Variants in PBX1 observed in about 807,000 individuals in gnomAD.
The protein encoded by PBX1 is PBX homeobox 1.
In PBX1, 6 loss-of-function variants were observed where a neutral mutation model predicts 53.4. The observed-to-expected ratio is 0.11, with a 90% CI of 0.06 to 0.22. The LOEUF (loss-of-function observed/expected upper bound fraction) is 0.22, where lower values mean the gene tolerates loss of function less well. PBX1 is among the 10% of genes least tolerant of loss of function. The pLI, the probability that PBX1 is intolerant of heterozygous loss-of-function variation, is 1.00. For synonymous variants in PBX1, 204 were observed against 212.3 expected (o/e 0.96, Z 0.34); for missense variants, 251 against 551.4 (o/e 0.46, Z 5.46).
At position 164,583,283 on chromosome 1, in the gene PBX1, G is replaced by A. The variant is rs563641673; in HGVS notation, c.265+19972G>A. Among the ~76,000 whole-genome samples the A allele has an allele frequency of 9.3e-3, 1,347 of 144,084 alleles. 19 individuals are homozygous for A. The highest frequency in any genetic ancestry group is 0.011 in the Middle Eastern group (3 of 282). The allele number at this position is 144,084 out of a possible 152,430, so 94.5% of individuals were successfully genotyped here. The stretch of plus-strand genomic sequence containing the variant: ...TGGATCTTTAAGCCAAGAGAGGCGG[G>A]AAAAAAAAAAAAAGAATAATAGGGC... On this transcript the variant is annotated intron_variant, in intron 2 of 8. Transcript: ENST00000420696.
chr1:164,628,084 A>G (rs1172179239), intron 2 of PBX1, among the ~76,000 whole-genome samples: 7 of 152,220 alleles, frequency 4.6e-5, no homozygotes, highest in African/African-American at 1.7e-4. Context: ...CCTTGGGTTT[A>G]TGAGTACCTG....
intron 2 of PBX1, among the ~76,000 whole-genome samples, chr1:164,787,316 C>T (rs1480316895): frequency 6.6e-6 from 1 of 152,150 alleles, no homozygotes. Context: ...CAGCTTTGGG[C>T]CCCTGGACTG....
At chr1:164,635,855 C>G (rs1233617387) in intron 2 of PBX1, among the ~76,000 whole-genome samples, 3 of 152,314 alleles carry the variant, frequency 2.0e-5, no homozygotes, top group East Asian at 3.9e-4. Flanking sequence ...CAAATAGATT[C>G]CCTTCTCTCT....
At chr1:164,870,735 C>G (rs1045749523) in intron 2 of PBX1, among the ~76,000 whole-genome samples, 4 of 152,152 alleles carry the variant, frequency 2.6e-5, no homozygotes, top group African/African-American at 9.7e-5. Context: ...GTTATTCTAG[C>G]CAAACAAATC....
intron 8 of PBX1, among the ~76,000 whole-genome samples, chr1:164,834,599 T>A (rs1371048135): frequency 6.6e-6 from 1 of 152,076 alleles, no homozygotes; most frequent in Admixed American, 6.6e-5. Context: ...CCCACTTCAG[T>A]CTCCCAAAGT....
intron 3 of PBX1, among the ~76,000 whole-genome samples, chr1:164,799,168 TTAAGAAA>T (rs1668929789): frequency 1.3e-5 from 2 of 151,838 alleles, no homozygotes; most frequent in African/African-American, 4.9e-5. Context: ...GATAAAATGA[TTAAGAAA>T]CTTTTTTTTC....
chr1:164,687,838 C>G (rs370155744), intron 2 of PBX1, among the ~76,000 whole-genome samples: 1 of 152,176 alleles, frequency 6.6e-6, no homozygotes, highest in Non-Finnish European at 1.5e-5. Flanking sequence ...AGAAACTGGA[C>G]TTAGCACTCA....
intron 2 of PBX1, among the ~76,000 whole-genome samples, chr1:164,597,570 A>T (rs1465717788): frequency 6.6e-6 from 1 of 152,196 alleles, no homozygotes; most frequent in East Asian, 1.9e-4. Flanking sequence ...GGACCATGAT[A>T]TTCATCTTGT....
chr1:164,797,964 G>T (rs1224222828), intron 3 of PBX1, among the ~76,000 whole-genome samples: 2 of 152,206 alleles, frequency 1.3e-5, no homozygotes, highest in African/African-American at 4.8e-5. Flanking sequence ...TCATGTGAGG[G>T]ATTTGCTCAG....
intron 2 of PBX1, among the ~76,000 whole-genome samples, chr1:164,653,050 A>G (rs1045251273): frequency 1.3e-4 from 20 of 151,798 alleles, no homozygotes; most frequent in Non-Finnish European, 1.5e-5. Context: ...CATTTTTTGT[A>G]GAGATGGAGT....
rs79774680 is a variant in PBX1 at position 164,572,462 on chromosome 1, G to T, written c.265+9151G>T. On this transcript the variant is annotated intron_variant, in intron 2 of 8. Transcript: ENST00000420696. ...TGTGAAATCTCTGTTAGAACTATTTGCATTTTAAAGAGGAAAAAAAGTAAG... is the reference window on the plus strand; with the variant it reads ...TGTGAAATCTCTGTTAGAACTATTTTCATTTTAAAGAGGAAAAAAAGTAAG... 2.6e-3 allele frequency among the ~76,000 whole-genome samples: 389 copies of T among 152,200 alleles called. 3 individuals are homozygous for T. Among genetic ancestry groups the T allele is most frequent in the African/African-American group, 9.2e-3 (381 of 41,538 alleles).
chr1:164,667,516 T>C (rs1660875353), intron 2 of PBX1, among the ~76,000 whole-genome samples: 1 of 151,854 alleles, frequency 6.6e-6, no homozygotes, highest in Admixed American at 6.6e-5. Context: ...CAGTGGACAT[T>C]TGGGTCAAGA....
chr1:164,783,511 C>T (rs1668028787), intron 2 of PBX1, among the ~76,000 whole-genome samples: 1 of 152,166 alleles, frequency 6.6e-6, no homozygotes, highest in Non-Finnish European at 1.5e-5. Context: ...CTAAATCTAT[C>T]CTGCTTTTTT....
intron 2 of PBX1, among the ~76,000 whole-genome samples, chr1:164,873,562 C>CT (rs1384968500): frequency 6.6e-6 from 1 of 152,178 alleles, no homozygotes. Flanking sequence ...AAGAATATTG[C>CT]TGAGCCTTCT....
rs1652982237 is a variant in PBX1 at position 164,560,778 on chromosome 1, CAG to C, written c.191+767_191+768del. On this transcript the variant is annotated intron_variant, in intron 1 of 8. Transcript: ENST00000420696. ...GCCGGTTTACTAACCTTCCGTGACA[CAG>C]ACAGCTATGTAGGGTCCTTTAAAAA... 2.0e-5 allele frequency among the ~76,000 whole-genome samples: 3 copies of C among 152,262 alleles called. No individual in the cohort carries two copies. The South Asian group carries it at 6.2e-4, about 32-fold the overall frequency.
At chr1:164,622,872 T>A (rs1222609203) in intron 2 of PBX1, among the ~76,000 whole-genome samples, 1 of 147,560 alleles carries the variant, frequency 6.8e-6, no homozygotes, top group African/African-American at 2.5e-5. Context: ...TCGCCCAGGC[T>A]GGAGTGCACT....
At chr1:164,772,202 A>T (rs1444375472) in intron 2 of PBX1, among the ~76,000 whole-genome samples, 1 of 152,258 alleles carries the variant, frequency 6.6e-6, no homozygotes, top group Non-Finnish European at 1.5e-5. Flanking sequence ...ATCACAGTGC[A>T]TAACATATAG....
intron 6 of PBX1, chr1:164,814,099 A>G (rs1316569229): frequency 6.6e-6 from 1 of 152,236 alleles, no homozygotes; most frequent in African/African-American, 2.4e-5. Context: ...ATAGCATGGA[A>G]TTTTAAAAGA....
intron 2 of PBX1, chr1:164,625,809 TAAAAA>T: frequency 3.5e-6 from 1 of 287,930 alleles, no homozygotes; most frequent in Non-Finnish European, 5.2e-6. Flanking sequence ...TGATGGGATT[TAAAAA>T]AAAAAAAAAA....
Sources: gnomAD v4.1 joint callset for allele counts (sites outside exome capture counted in the v4.1 genomes callset) on GRCh38, gnomAD v4.1.1 for gene constraint, MANE v1.5 for transcripts, NCBI Gene and HGNC (gene_info 2026-07-23, HGNC 2026-07-21) for gene names.